The following GLMN variants were observed in gnomAD, a reference collection of about 807,000 sequenced individuals.
GLMN encodes the protein glomulin.
A neutral mutation model predicts 87.8 loss-of-function variants in GLMN; 75 were observed. The ratio of observed to expected loss-of-function variants is 0.85; its 90% CI spans 0.71 to 1.04. The LOEUF (loss-of-function observed/expected upper bound fraction) is 1.04. Among genes scored for constraint, GLMN ranks in the 50% least tolerant of loss-of-function variants. The pLI, the probability that GLMN is intolerant of heterozygous loss-of-function variation, is 0.00. For synonymous variants in GLMN, 206 were observed against 221.6 expected, an observed-to-expected ratio of 0.93 and a Z score of 0.63; for missense variants, 588 against 658.8, an observed-to-expected ratio of 0.89 and a Z score of 1.18.
At chr1:92,258,835 A>C (rs1037973433) in intron 16 of GLMN, among the ~76,000 whole-genome samples, 6 of 152,168 alleles carry the variant, frequency 3.9e-5, no homozygotes, top group African/African-American at 1.4e-4. Flanking sequence ...CCACCATGGC[A>C]CGTGTATACC....
intron 13 of GLMN, 104 bp downstream of exon 13, chr1:92,266,315 A>G: frequency 1.4e-6 from 1 of 731,160 alleles, no homozygotes; most frequent in Admixed American, 1.9e-5. Context: ...GAGTTGAATT[A>G]CATGTAAAAC....
intron 7 of GLMN, among the ~76,000 whole-genome samples, chr1:92,285,878 A>T (rs929844185): frequency 1.3e-5 from 2 of 152,226 alleles, no homozygotes; most frequent in Non-Finnish European, 2.9e-5. Context: ...ATTTTAAAAT[A>T]CTATTGATGC....
Position 92,253,800 on chromosome 1 carries a change from A to G in GLMN, c.1474-5811T>C, listed in dbSNP as rs1042576333. Among the ~76,000 whole-genome samples, 26 of 152,360 alleles carry G rather than the reference A, an allele frequency of 1.7e-4. 1 individual carries two copies. Among genetic ancestry groups the G allele is most frequent in the Admixed American group, 1.6e-3 (25 of 15,302 alleles). On this transcript the variant is annotated intron_variant, in intron 16 of 18. Coordinates refer to ENST00000370360, the MANE Select transcript of GLMN (RefSeq NM_053274.3). ...CAGCAAAGACCAAAGGTAGAAATCCACGAAGACGAGGAAAAAGCAGCGGAA... is the reference window on the plus strand; with the variant it reads ...CAGCAAAGACCAAAGGTAGAAATCCGCGAAGACGAGGAAAAAGCAGCGGAA...
chr1:92,299,336 C>A (rs1650606555), upstream of GLMN, among the ~76,000 whole-genome samples: 1 of 152,176 alleles, frequency 6.6e-6, no homozygotes. Flanking sequence ...CCCCTCACCC[C>A]TTTACGCCAG....
intron 7 of GLMN, among the ~76,000 whole-genome samples, chr1:92,285,192 T>C (rs989617624): frequency 4.6e-5 from 7 of 152,142 alleles, no homozygotes; most frequent in Non-Finnish European, 1.0e-4. Context: ...CTACTCACAA[T>C]AGCAAAGACT....
the GLMN span, among the ~76,000 whole-genome samples, chr1:92,347,610 A>C: frequency 6.6e-6 from 1 of 152,236 alleles, no homozygotes; most frequent in Non-Finnish European, 1.5e-5. Flanking sequence ...ATAGCAAAGA[A>C]CTGAAAAAGT....
intron 17 of GLMN, among the ~76,000 whole-genome samples, 177 bp downstream of exon 17, chr1:92,247,700 CG>C: frequency 6.6e-6 from 1 of 152,162 alleles, no homozygotes; most frequent in South Asian, 2.1e-4. Context: ...TTCATTAACC[CG>C]ATTTTAGGTA....
the GLMN span, chr1:92,304,231 C>A: frequency 1.6e-6 from 2 of 1,245,290 alleles, no homozygotes; most frequent in Non-Finnish European, 2.3e-6. Context: ...TGTAACATAA[C>A]GTTCATGTTT....
At chr1:92,313,206 C>T in the GLMN span, among the ~76,000 whole-genome samples, 15 of 152,090 alleles carry the variant, frequency 9.9e-5, no homozygotes, top group African/African-American at 3.1e-4. Context: ...TGAATCCTTT[C>T]GTGAAGGATT....
intron 16 of GLMN, among the ~76,000 whole-genome samples, chr1:92,259,615 T>C (rs976535144): frequency 6.6e-6 from 1 of 152,166 alleles, no homozygotes; most frequent in African/African-American, 2.4e-5. Flanking sequence ...TCTGACTAAT[T>C]ACCCTCTTAG....
At chr1:92,254,081 A>T (rs779098052) in intron 16 of GLMN, among the ~76,000 whole-genome samples, 14 of 152,328 alleles carry the variant, frequency 9.2e-5, no homozygotes, top group South Asian at 2.1e-4. Context: ...AAATGACCTG[A>T]TGGAGCTGAA....
intron 7 of GLMN, among the ~76,000 whole-genome samples, chr1:92,285,010 TTGG>T (rs1299619544): frequency 2.0e-5 from 3 of 152,182 alleles, no homozygotes; most frequent in Admixed American, 6.5e-5. Context: ...TTTTACACTG[TTGG>T]TGGGAGTGTA....
chr1:92,362,117 CA>C, the GLMN span, among the ~76,000 whole-genome samples: 3 of 152,256 alleles, frequency 2.0e-5, no homozygotes, highest in African/African-American at 7.2e-5. Flanking sequence ...CATAGCCTTG[CA>C]AACTTAAATG....
chr1:92,326,729 A>G, the GLMN span, among the ~76,000 whole-genome samples: 1 of 152,278 alleles, frequency 6.6e-6, no homozygotes, highest in Admixed American at 6.5e-5. Flanking sequence ...GTTGTCAGGG[A>G]AGTGGGGGAA....
At chr1:92,345,415 G>A in the GLMN span, among the ~76,000 whole-genome samples, 2 of 100,262 alleles carry the variant, frequency 2.0e-5, no homozygotes, top group African/African-American at 3.7e-5. Context: ...AGAGAGAGAA[G>A]AAAGAAAGAG....
intron 13 of GLMN, among the ~76,000 whole-genome samples, 169 bp downstream of exon 13, chr1:92,266,250 T>G (rs1209782815): frequency 6.6e-6 from 1 of 152,190 alleles, no homozygotes; most frequent in Admixed American, 6.5e-5. Flanking sequence ...TCTGAAATAT[T>G]TGATTAACCC....
At chr1:92,345,873 A>T in the GLMN span, 2 of 1,604,884 alleles carry the variant, frequency 1.2e-6, no homozygotes, top group South Asian at 2.2e-5. Flanking sequence ...TTATACACAA[A>T]CCTGCGGAAT....
intron 3 of GLMN, among the ~76,000 whole-genome samples, chr1:92,292,736 T>C (rs1649566938): frequency 1.4e-5 from 2 of 147,500 alleles, no homozygotes; most frequent in South Asian, 2.1e-4. Context: ...TCTTTTCTTT[T>C]TTTTTTTTTT....
intron 16 of GLMN, among the ~76,000 whole-genome samples, chr1:92,252,654 G>A (rs775303204): frequency 5.9e-5 from 9 of 152,144 alleles, no homozygotes; most frequent in Non-Finnish European, 1.0e-4. Flanking sequence ...TAGGAGTGAA[G>A]AAGCTGTGAG....
Sources: allele counts gnomAD v4.1 joint callset (sites outside exome capture counted in the v4.1 genomes callset), GRCh38; gene constraint gnomAD v4.1.1; transcripts MANE v1.5; gene names NCBI Gene and HGNC (gene_info 2026-07-23, HGNC 2026-07-21).